Variants in GCH1 observed in about 807,000 individuals in gnomAD.
The protein encoded by GCH1 is GTP cyclohydrolase 1.
A neutral mutation model predicts 25.9 loss-of-function variants in GCH1; 5 were observed. That is an observed-to-expected ratio of 0.19 (90% CI 0.10 to 0.41). The LOEUF (loss-of-function observed/expected upper bound fraction) is 0.41, where lower values mean the gene tolerates loss of function less well. GCH1 is among the 10% of genes least tolerant of loss of function. The pLI, the probability that GCH1 is intolerant of heterozygous loss-of-function variation, is 1.00. For synonymous variants in GCH1, 159 were observed against 129.6 expected (o/e 1.23, Z -1.54); for missense variants, 261 against 336.5 (o/e 0.78, Z 1.75).
At chr14:54,852,501 A>T (rs756759490) in intron 3 of GCH1, among the ~76,000 whole-genome samples, 1 of 152,186 alleles carries the variant, frequency 6.6e-6, no homozygotes, top group Non-Finnish European at 1.5e-5. Flanking sequence ...CTCAGATCAG[A>T]TACGCCAAAT....
intron 1 of GCH1, among the ~76,000 whole-genome samples, 182 bp downstream of exon 1, chr14:54,902,139 C>T (rs2040575401): frequency 6.6e-6 from 1 of 152,174 alleles, no homozygotes; most frequent in Admixed American, 6.5e-5. Flanking sequence ...CCAGGAAGCC[C>T]CGACTGTGCC....
chr14:54,866,481 A>T (rs535144896), intron 1 of GCH1, among the ~76,000 whole-genome samples: 1 of 151,970 alleles, frequency 6.6e-6, no homozygotes, highest in African/African-American at 2.4e-5. Context: ...AACTGTACTG[A>T]TACCTAGACA....
intron 2 of GCH1, among the ~76,000 whole-genome samples, chr14:54,860,596 A>G (rs2039881926): frequency 6.8e-6 from 1 of 146,566 alleles, no homozygotes; most frequent in South Asian, 2.2e-4. Flanking sequence ...GCTGGAGTAC[A>G]GTGGCCCAGT....
At position 54,862,213 on chromosome 14, in the gene GCH1, T is replaced by A. The variant is rs970003289; in HGVS notation, c.454-2477A>T. 4.6e-5 allele frequency among the ~76,000 whole-genome samples: 7 copies of A among 151,806 alleles called. No homozygotes were observed. The East Asian group carries it at 1.2e-3, about 25-fold the overall frequency. Reference sequence around the variant, plus strand: ...ATGCCCAATTAATTTTAAAAAAAAATTTATTTTGTGGTAGAGACAGTCTCA... The same window carrying A: ...ATGCCCAATTAATTTTAAAAAAAAAATTATTTTGTGGTAGAGACAGTCTCA... On this transcript the variant is annotated intron_variant, in intron 2 of 5. Transcript: ENST00000491895.
chr14:54,850,627 ATCC>A (rs2039714912), intron 3 of GCH1, among the ~76,000 whole-genome samples: 1 of 151,982 alleles, frequency 6.6e-6, no homozygotes, highest in Admixed American at 6.6e-5. Flanking sequence ...TCCTAATGCT[ATCC>A]CTCCCTGCTC....
intron 3 of GCH1, among the ~76,000 whole-genome samples, chr14:54,854,478 T>A (rs760584799): frequency 6.6e-6 from 1 of 151,848 alleles, no homozygotes; most frequent in Non-Finnish European, 1.5e-5. Context: ...ACACTCCAGA[T>A]GGAGCAAAGA....
intron 1 of GCH1, among the ~76,000 whole-genome samples, chr14:54,874,943 G>A (rs1210918533): frequency 2.6e-5 from 4 of 152,098 alleles, no homozygotes; most frequent in Non-Finnish European, 5.9e-5. Flanking sequence ...AGCTACCAAT[G>A]ACTTTCTTCA....
chr14:54,856,286 G>A (rs1415017413), intron 3 of GCH1, among the ~76,000 whole-genome samples: 3 of 152,142 alleles, frequency 2.0e-5, no homozygotes, highest in Admixed American at 2.0e-4. Flanking sequence ...GCATTTCCAT[G>A]GCACTTGCAG....
intron 1 of GCH1, among the ~76,000 whole-genome samples, chr14:54,868,240 C>T (rs2040016438): frequency 2.0e-5 from 3 of 152,010 alleles, no homozygotes; most frequent in Non-Finnish European, 2.9e-5. Context: ...ACTGCAATAT[C>T]CCATCTCCAC....
chr14:54,862,345 T>C (rs1050715347), intron 2 of GCH1, among the ~76,000 whole-genome samples: 3 of 150,852 alleles, frequency 2.0e-5, no homozygotes, highest in African/African-American at 7.3e-5. Context: ...TGTGATATAA[T>C]ATGAAGTCTT....
At chr14:54,848,074 C>T (rs1383927441) in intron 3 of GCH1, among the ~76,000 whole-genome samples, 1 of 151,642 alleles carries the variant, frequency 6.6e-6, no homozygotes, top group African/African-American at 2.4e-5. Flanking sequence ...GATTAACCCC[C>T]AAGAAATAAA....
At chr14:54,888,118 T>C (rs145387136) in intron 1 of GCH1, among the ~76,000 whole-genome samples, 1,886 of 152,308 alleles carry the variant, frequency 0.012, 19 homozygotes, top group Middle Eastern at 0.054. Flanking sequence ...AGGAAGACCA[T>C]AGATCCCAAG....
chr14:54,876,509 T>G lies in GCH1; in HGVS notation c.344-11073A>C, dbSNP rs188109850. Among the ~76,000 whole-genome samples the G allele has an allele frequency of 1.3e-4, 20 of 151,332 alleles. No individual in the cohort carries two copies. The East Asian group carries it at 3.1e-3, about 23-fold the overall frequency. On this transcript the variant is annotated intron_variant, in intron 1 of 5. Coordinates refer to ENST00000491895, the MANE Select transcript of GCH1 (RefSeq NM_000161.3). Reference sequence around the variant, plus strand: ...AAGTATAATAATAAAAAAAAAATTATAAAGTACTGCATGGTGATATGTGCC... The same window carrying G: ...AAGTATAATAATAAAAAAAAAATTAGAAAGTACTGCATGGTGATATGTGCC...
intron 1 of GCH1, among the ~76,000 whole-genome samples, chr14:54,899,280 G>A (rs1039532148): frequency 8.6e-5 from 13 of 151,926 alleles, no homozygotes; most frequent in African/African-American, 3.1e-4. Context: ...GGGCAACATG[G>A]CAAAAACCCG....
chr14:54,886,035 C>A, intron 1 of GCH1: 1 of 226,700 alleles, frequency 4.4e-6, no homozygotes, highest in South Asian at 6.2e-5. Context: ...TCATCAAACC[C>A]TAGTGGTACT....
rs1225756882 is a variant in GCH1, at chr14:54,880,484, CAT to C, written c.344-15050_344-15049del. ...ATACTCCATATATATATATACACTC[CAT>C]ATATATATATACTCCATATATATAT... On this transcript the variant is annotated intron_variant, in intron 1 of 5. Coordinates refer to ENST00000491895, the MANE Select transcript of GCH1 (RefSeq NM_000161.3). 9.6e-4 allele frequency among the ~76,000 whole-genome samples: 57 copies of C among 59,280 alleles called. 8 individuals are homozygous for C. Among genetic ancestry groups the C allele is most frequent in the East Asian group, 5.7e-3 (16 of 2,824 alleles). The allele number at this position is 59,280 out of a possible 152,430, so 38.9% of individuals were successfully genotyped here. A position where few individuals can be genotyped will look rare whatever the true frequency, so the allele number is the denominator to read the frequency against.
chr14:54,869,150 T>G (rs938603836), intron 1 of GCH1, among the ~76,000 whole-genome samples: 1 of 151,762 alleles, frequency 6.6e-6, no homozygotes, highest in African/African-American at 2.4e-5. Context: ...GCGATTCTCC[T>G]GCCTCAGCCT....
intron 1 of GCH1, among the ~76,000 whole-genome samples, chr14:54,874,072 G>A (rs996402841): frequency 4.6e-5 from 7 of 152,162 alleles, no homozygotes; most frequent in African/African-American, 1.7e-4. Context: ...TATCCCTGAT[G>A]AACATCCATG....
chr14:54,870,551 G>A (rs754985688), intron 1 of GCH1, among the ~76,000 whole-genome samples: 35 of 152,178 alleles, frequency 2.3e-4, no homozygotes, highest in Admixed American at 4.6e-4. Context: ...AGGGCGAGGC[G>A]TCACCTCACC....
Sources: gnomAD v4.1 joint callset for allele counts (sites outside exome capture counted in the v4.1 genomes callset) on GRCh38, gnomAD v4.1.1 for gene constraint, MANE v1.5 for transcripts, NCBI Gene and HGNC (gene_info 2026-07-23, HGNC 2026-07-21) for gene names.